NELL1: variants seen among roughly 807,000 people sequenced by gnomAD.
NELL1 encodes neural EGFL like 1, also known as protein kinase C-binding protein NELL1.
NELL1 carries 76 observed loss-of-function variants against 107.4 expected under a neutral mutation model. The observed-to-expected ratio is 0.71, with a 90% confidence interval of 0.59 to 0.86. NELL1 has a LOEUF of 0.86. NELL1 is among the 40% of genes least tolerant of loss of function. The pLI is 0.00. For missense variants in NELL1, 1,024 were observed against 1,005.5 expected (o/e 1.02, Z -0.25); for synonymous variants, 353 against 341.2 (o/e 1.03, Z -0.38).
chr11:21,438,930 AT>A (rs1276450564), intron 15 of NELL1, among the ~76,000 whole-genome samples: 1 of 151,716 alleles, frequency 6.6e-6, no homozygotes, highest in East Asian at 2.0e-4. Context: ...TCAAAAATGC[AT>A]TTTTTTGTCC....
intron 12 of NELL1, among the ~76,000 whole-genome samples, chr11:20,997,586 T>C (rs1852119674): frequency 6.6e-6 from 1 of 152,224 alleles, no homozygotes; most frequent in Non-Finnish European, 1.5e-5. Context: ...GTATATAAGA[T>C]GTTAATATAA....
intron 2 of NELL1, among the ~76,000 whole-genome samples, chr11:20,707,536 A>G (rs886927677): frequency 6.6e-6 from 1 of 152,204 alleles, no homozygotes; most frequent in Non-Finnish European, 1.5e-5. Context: ...GGTGATGTAC[A>G]GATTGGGTTT....
rs139733134 is a variant in NELL1, at chr11:21,419,870, T to C, written c.1645+48922T>C. On this transcript the variant is annotated intron_variant, in intron 15 of 19. Coordinates refer to ENST00000357134, the MANE Select transcript of NELL1 (RefSeq NM_006157.5). ...TCATGTCTTTTATTCCTGATACTTA[T>C]ACAAAGCTCTTTTCCACTGCCATGC... 5.4e-3 allele frequency among the ~76,000 whole-genome samples: 821 copies of C among 152,326 alleles called. 7 individuals carry two copies. The highest frequency in any genetic ancestry group is 0.017 in the African/African-American group (703 of 41,584).
chr11:20,889,757 C>G (rs1405487516), intron 5 of NELL1, among the ~76,000 whole-genome samples: 1 of 152,170 alleles, frequency 6.6e-6, no homozygotes, highest in Non-Finnish European at 1.5e-5. Context: ...GACGGCCCAT[C>G]TGAGAGCCAC....
chr11:21,180,823 C>A (rs1028947786), intron 13 of NELL1, among the ~76,000 whole-genome samples: 16 of 151,460 alleles, frequency 1.1e-4, no homozygotes, highest in Non-Finnish European at 1.9e-4. Context: ...GAACATCCAA[C>A]TCTTTTAAAG....
chr11:21,032,424 C>T (rs1281923408), intron 12 of NELL1, among the ~76,000 whole-genome samples: 1 of 152,202 alleles, frequency 6.6e-6, no homozygotes, highest in Admixed American at 6.5e-5. Flanking sequence ...GAATCTCACT[C>T]TGTTGCCCAG....
chr11:21,282,778 T>C (rs1433953711), intron 14 of NELL1, among the ~76,000 whole-genome samples: 1 of 152,058 alleles, frequency 6.6e-6, no homozygotes, highest in Non-Finnish European at 1.5e-5. Context: ...AATGTAAGTG[T>C]CCATAAAGAA....
intron 11 of NELL1, among the ~76,000 whole-genome samples, chr11:20,954,512 C>A: frequency 6.6e-6 from 1 of 152,124 alleles, no homozygotes; most frequent in East Asian, 1.9e-4. Context: ...TGGTTTATTG[C>A]CCCTTAGGGA....
Position 20,975,434 on chromosome 11 carries a change from T to G in NELL1, c.1300+14874T>G, listed in dbSNP as rs550447686. Among the ~76,000 whole-genome samples the G allele has an allele frequency of 1.3e-4, 20 of 150,974 alleles. No homozygotes were observed. In the East Asian group the frequency reaches 3.9e-3, roughly 29 times the overall value. ...CCATTGAAATCCACTGTTTATTGTATGATTAGTTCTGGTATAGCTTCAAAA... is the reference window on the plus strand; with the variant it reads ...CCATTGAAATCCACTGTTTATTGTAGGATTAGTTCTGGTATAGCTTCAAAA... On this transcript the variant is annotated intron_variant, in intron 12 of 19. Coordinates refer to ENST00000357134, the MANE Select transcript of NELL1 (RefSeq NM_006157.5).
intron 2 of NELL1, among the ~76,000 whole-genome samples, chr11:20,695,799 A>G (rs1157747733): frequency 6.6e-6 from 1 of 152,104 alleles, no homozygotes; most frequent in Non-Finnish European, 1.5e-5. Context: ...AGAATGAGTT[A>G]GGAAGGAGTC....
At chr11:20,684,032 TTC>T (rs1491436037) in intron 2 of NELL1, among the ~76,000 whole-genome samples, 97 of 151,416 alleles carry the variant, frequency 6.4e-4, no homozygotes, top group Non-Finnish European at 1.0e-3. Flanking sequence ...TTTTTTTTTT[TTC>T]TGTAGTGACT....
At chr11:20,931,917 G>C (rs1850626792) in intron 9 of NELL1, among the ~76,000 whole-genome samples, 1 of 151,968 alleles carries the variant, frequency 6.6e-6, no homozygotes, top group Admixed American at 6.6e-5. Flanking sequence ...GTAGGGCTAT[G>C]ACAAAGGCAA....
chr11:20,690,763 T>C (rs578182354), intron 2 of NELL1, among the ~76,000 whole-genome samples: 438 of 151,576 alleles, frequency 2.9e-3, no homozygotes, highest in Non-Finnish European at 4.9e-3. Context: ...CTTGGCGATG[T>C]GGGCTCTTTT....
intron 13 of NELL1, 94 bp downstream of exon 13, chr11:21,113,808 A>G: frequency 7.7e-7 from 1 of 1,297,558 alleles, no homozygotes; most frequent in South Asian, 1.6e-5. Flanking sequence ...ACAAAGTACT[A>G]TTTTTATCTA....
At chr11:21,000,495 A>G (rs758987400) in intron 12 of NELL1, among the ~76,000 whole-genome samples, 24 of 152,186 alleles carry the variant, frequency 1.6e-4, no homozygotes, top group Non-Finnish European at 3.4e-4. Flanking sequence ...TTAGGACATG[A>G]CATAATGCAC....
chr11:21,130,712 A>G (rs1855596313), intron 13 of NELL1, among the ~76,000 whole-genome samples: 1 of 152,210 alleles, frequency 6.6e-6, no homozygotes, highest in South Asian at 2.1e-4. Flanking sequence ...GAGGACAAAT[A>G]CATTTGCAAT....
chr11:21,101,203 G>A (rs1190230789), intron 12 of NELL1, among the ~76,000 whole-genome samples: 1 of 152,174 alleles, frequency 6.6e-6, no homozygotes, highest in Admixed American at 6.5e-5. Flanking sequence ...ATTCCATGGT[G>A]TATATGTGCC....
At chr11:20,786,162 C>G (rs1305927533) in intron 3 of NELL1, among the ~76,000 whole-genome samples, 1 of 151,342 alleles carries the variant, frequency 6.6e-6, no homozygotes, top group African/African-American at 2.4e-5. Context: ...ACCAGCTGAC[C>G]GACATGGTGA....
At chr11:21,171,426 C>T (rs183526983) in intron 13 of NELL1, among the ~76,000 whole-genome samples, 6 of 151,918 alleles carry the variant, frequency 3.9e-5, no homozygotes, top group African/African-American at 1.5e-4. Flanking sequence ...ACAAAATAAA[C>T]ATGTCTGTAT....
Sources: allele counts gnomAD v4.1 joint callset (sites outside exome capture counted in the v4.1 genomes callset), GRCh38; gene constraint gnomAD v4.1.1; transcripts MANE v1.5; gene names NCBI Gene and HGNC (gene_info 2026-07-23, HGNC 2026-07-21).